The following FMN1 variants were observed in gnomAD, a reference collection of about 807,000 sequenced individuals.
FMN1 encodes the protein formin-1.
Under a neutral mutation model 132.4 loss-of-function variants are expected in FMN1, and 110 were observed. The observed-to-expected ratio is 0.83, with a 90% confidence interval of 0.71 to 0.97. The LOEUF is 0.97. Ranked by LOEUF, FMN1 falls within the 50% of genes least tolerant of loss-of-function variation. FMN1 has a pLI of 0.00. For synonymous variants in FMN1, 722 were observed against 651.7 expected, an observed-to-expected ratio of 1.11 and a Z score of -1.64; for missense variants, 1,792 against 1,705.3, an observed-to-expected ratio of 1.05 and a Z score of -0.90.
rs763076307 is a variant in FMN1 at position 33,002,555 on chromosome 15, G to A, written c.2223+5459C>T. On this transcript the variant is annotated intron_variant, in intron 7 of 20. Coordinates refer to ENST00000616417, the MANE Select transcript of FMN1 (RefSeq NM_001277313.2). ...TTTTCAGTATCACCCAGAGTACAGG[G>A]GTAATTAATCAGGCAGGTAAAGTGG... Among the ~76,000 whole-genome samples the A allele has an allele frequency of 1.8e-3, 272 of 152,228 alleles. 1 individual carries two copies. Among genetic ancestry groups the A allele is most frequent in the Non-Finnish European group, 2.5e-3 (172 of 68,018 alleles).
intron 9 of FMN1, among the ~76,000 whole-genome samples, chr15:32,953,770 C>T (rs931981996): frequency 6.6e-6 from 1 of 152,218 alleles, no homozygotes; most frequent in Admixed American, 6.5e-5. Flanking sequence ...TGGCTGCTGC[C>T]GCCAAATGCA....
At chr15:33,159,274 G>T (rs918847830) in intron 3 of FMN1, among the ~76,000 whole-genome samples, 1 of 152,198 alleles carries the variant, frequency 6.6e-6, no homozygotes, top group Non-Finnish European at 1.5e-5. Context: ...TTGGTTTCAT[G>T]ATTTCAGATG....
At chr15:33,087,081 G>A (rs1029923479) in intron 5 of FMN1, among the ~76,000 whole-genome samples, 2 of 152,190 alleles carry the variant, frequency 1.3e-5, no homozygotes, top group Non-Finnish European at 2.9e-5. Context: ...GATTTGTGGT[G>A]CTCACCTCAT....
intron 5 of FMN1, among the ~76,000 whole-genome samples, chr15:33,082,376 G>C (rs1284635565): frequency 6.6e-6 from 1 of 152,092 alleles, no homozygotes; most frequent in African/African-American, 2.4e-5. Flanking sequence ...TTTCCAGAGA[G>C]TACTGCCACC....
At chr15:32,907,744 A>G (rs928187250) in intron 12 of FMN1, among the ~76,000 whole-genome samples, 7 of 148,684 alleles carry the variant, frequency 4.7e-5, no homozygotes, top group Non-Finnish European at 1.1e-4. Context: ...AGCAACAGGC[A>G]AAAGAGGCCC....
chr15:32,793,088 A>G (rs2057148795), intron 19 of FMN1, among the ~76,000 whole-genome samples: 1 of 152,170 alleles, frequency 6.6e-6, no homozygotes, highest in African/African-American at 2.4e-5. Context: ...AGAAGGGAAA[A>G]GGAGACGGAA....
chr15:32,979,473 G>A (rs1031992959), intron 7 of FMN1, among the ~76,000 whole-genome samples: 19 of 150,106 alleles, frequency 1.3e-4, no homozygotes, highest in Admixed American at 6.7e-4. Context: ...AGATAACAGC[G>A]TGAACCCGGG....
chr15:33,117,439 T>C (rs888790846), intron 4 of FMN1, among the ~76,000 whole-genome samples: 2 of 152,174 alleles, frequency 1.3e-5, no homozygotes, highest in African/African-American at 4.8e-5. Context: ...GTAGCATTCA[T>C]TTCTCGGCGT....
At chr15:32,880,145 C>T (rs72717701) in intron 16 of FMN1, among the ~76,000 whole-genome samples, 1,722 of 146,864 alleles carry the variant, frequency 0.012, 24 homozygotes, top group Non-Finnish European at 0.02. Context: ...ATATAGCACA[C>T]GGTACCATGA....
intron 9 of FMN1, among the ~76,000 whole-genome samples, chr15:32,931,663 T>C (rs8033969): frequency 0.025 from 3,795 of 152,304 alleles, 66 homozygotes; most frequent in Non-Finnish European, 0.034. Context: ...AATCTTACTA[T>C]TTCATTTCCA....
intron 9 of FMN1, among the ~76,000 whole-genome samples, chr15:32,936,228 T>C (rs1017085190): frequency 2.0e-5 from 3 of 152,204 alleles, no homozygotes; most frequent in African/African-American, 7.2e-5. Context: ...TAGGATTGGT[T>C]TGATTTCTTT....
chr15:32,827,653 A>G (rs1260818577), intron 17 of FMN1, among the ~76,000 whole-genome samples: 2 of 151,670 alleles, frequency 1.3e-5, no homozygotes, highest in Non-Finnish European at 2.9e-5. Flanking sequence ...GATCGAGACC[A>G]TCCTGGCTAA....
intron 19 of FMN1, among the ~76,000 whole-genome samples, chr15:32,798,083 C>T (rs563351909): frequency 2.0e-5 from 3 of 152,150 alleles, no homozygotes; most frequent in South Asian, 2.1e-4. Context: ...CCATGACACC[C>T]CTTCCATAAC....
intron 19 of FMN1, among the ~76,000 whole-genome samples, chr15:32,782,438 TAA>T (rs1185649275): frequency 6.6e-4 from 100 of 152,332 alleles, no homozygotes; most frequent in Middle Eastern, 6.8e-3. Context: ...ATTAGCTGAT[TAA>T]GTCTTAAACA....
chr15:33,010,026 A>T (rs1442820177), intron 6 of FMN1, among the ~76,000 whole-genome samples: 2 of 152,140 alleles, frequency 1.3e-5, no homozygotes, highest in Admixed American at 1.3e-4. Flanking sequence ...AGCTGGGATT[A>T]CAGCCCACCA....
At chr15:33,026,359 G>T (rs1043726342) in intron 6 of FMN1, among the ~76,000 whole-genome samples, 1 of 142,542 alleles carries the variant, frequency 7.0e-6, no homozygotes, top group Non-Finnish European at 1.5e-5. Context: ...CTATTTGTTT[G>T]AAATTATTCA....
chr15:32,863,448 A>G lies in FMN1; in HGVS notation c.3836-6341T>C, dbSNP rs117811271. ...GACTCCATCTCAAAATAAATAAATAAATAAAATAAAATAAATAAACACATC... is the reference window on the plus strand; with the variant it reads ...GACTCCATCTCAAAATAAATAAATAGATAAAATAAAATAAATAAACACATC... On this transcript the variant is annotated intron_variant, in intron 16 of 20. Transcript: ENST00000616417. Among the ~76,000 whole-genome samples, 630 of 152,288 alleles carry G rather than the reference A, an allele frequency of 4.1e-3. 31 individuals are homozygous for G. The East Asian group carries it at 0.093, about 23-fold the overall frequency.
At chr15:33,116,127 A>G (rs2468761) in intron 4 of FMN1, among the ~76,000 whole-genome samples, 103,011 of 152,060 alleles carry the variant, frequency 0.68, 36,306 homozygotes, top group East Asian at 0.8. Context: ...TTTGGATAGT[A>G]CTATGGTTTT....
rs57504432 is a variant in FMN1 at position 33,075,020 on chromosome 15, C to CAAAAAAAAAAAAA, written c.2044-9959_2044-9947dup. 1.8e-4 allele frequency among the ~76,000 whole-genome samples: 11 copies of CAAAAAAAAAAAAA among 61,690 alleles called. 1 individual carries two copies. The highest frequency in any genetic ancestry group is 3.1e-4 in the Non-Finnish European group (11 of 35,300). 40.5% of individuals were successfully genotyped at this position (61,690 alleles called of 152,430 possible). On this transcript the variant is annotated intron_variant, in intron 5 of 20. Coordinates refer to ENST00000616417, the MANE Select transcript of FMN1 (RefSeq NM_001277313.2). ...TGGGCAACTGAGCAAGATTCCATCT[C>CAAAAAAAAAAAAA]AAAAAAAAAAAAAAAAAAAAAAAAA...
Sources: allele counts gnomAD v4.1 joint callset (sites outside exome capture counted in the v4.1 genomes callset), GRCh38; gene constraint gnomAD v4.1.1; transcripts MANE v1.5; gene names NCBI Gene and HGNC (gene_info 2026-07-23, HGNC 2026-07-21).